The following RAI14 variants were observed in gnomAD, a reference collection of about 807,000 sequenced individuals.
The protein encoded by RAI14 is ankycorbin.
RAI14 carries 45 observed loss-of-function variants against 115.4 expected under a neutral mutation model. The observed-to-expected ratio is 0.39, with a 90% confidence interval of 0.31 to 0.50. The LOEUF (loss-of-function observed/expected upper bound fraction) is 0.50. Among genes scored for constraint, RAI14 ranks in the 20% least tolerant of loss-of-function variants. The pLI is 0.85. For synonymous variants in RAI14, 371 were observed against 415.4 expected (o/e 0.89, Z 1.30); for missense variants, 939 against 1,131.2 (o/e 0.83, Z 2.44).
Position 34,829,725 on chromosome 5 carries a change from T to C in RAI14, c.2800-7T>C, listed in dbSNP as rs748933987. On this transcript the variant is annotated splice_region_variant and splice_polypyrimidine_tract_variant and intron_variant, in intron 16 of 17. Transcript: ENST00000265109. ...CTCATTAATAATGTGAAATATTCCCTTTCTAGGAATGCAAGAAACAACACC... is the reference window on the plus strand; with the variant it reads ...CTCATTAATAATGTGAAATATTCCCCTTCTAGGAATGCAAGAAACAACACC... The C allele has an allele frequency of 2.1e-5, 33 of 1,605,306 alleles. No homozygotes were observed. Among genetic ancestry groups the C allele is most frequent in the Non-Finnish European group, 2.8e-5 (33 of 1,173,618 alleles).
In RAI14 at chr5:34,697,788, G is replaced by T. The variant is rs532137389; in HGVS notation, c.36+10833G>T. Among the ~76,000 whole-genome samples the T allele has an allele frequency of 3.2e-4, 48 of 152,214 alleles. 2 individuals carry two copies. In the South Asian group the frequency reaches 1.0e-2, roughly 32 times the overall value. On this transcript the variant is annotated intron_variant, in intron 2 of 17. Transcript: ENST00000265109. ...AATTTATAAAATTGTGCAATATGAG[G>T]ATTCTTCATTATATTGATTAGTTTA...
In RAI14 at chr5:34,811,037, C is replaced by T; in HGVS notation, c.476C>T (p.Ala159Val). ...DLDGNIPLLL[A>V]VQNGHSEICH... is the part of the protein sequence containing the mutation. Reference sequence around the variant, plus strand: ...GATGGGAATATACCGCTGCTTCTTGCTGTACAAAATGGTCACAGTGAGATC... The same window carrying T: ...GATGGGAATATACCGCTGCTTCTTGTTGTACAAAATGGTCACAGTGAGATC... The change falls in exon 8 of 18, where the codon GCT becomes GTT. Residue 159 changes from alanine to valine, a missense_variant. Transcript: ENST00000265109. 1.9e-6 allele frequency: 3 copies of T among 1,613,944 alleles called. No homozygotes were observed. Among genetic ancestry groups the T allele is most frequent in the Non-Finnish European group, 2.5e-6 (3 of 1,179,950 alleles).
chr5:34,824,946 C>CAAAAA (rs1174399473), intron 15 of RAI14, among the ~76,000 whole-genome samples: 50 of 66,450 alleles, frequency 7.5e-4, no homozygotes, highest in East Asian at 1.3e-3. Context: ...GACTTCATCT[C>CAAAAA]AAAAAAAAAA....
At chr5:34,744,089 G>A (rs1402054171) in intron 2 of RAI14, among the ~76,000 whole-genome samples, 1 of 152,214 alleles carries the variant, frequency 6.6e-6, no homozygotes, top group Non-Finnish European at 1.5e-5. Flanking sequence ...AAGCTCAGGA[G>A]TTGTGGCTGC....
chr5:34,823,471 A>G lies in RAI14; in HGVS notation c.1629A>G (p.Leu543=). ...NVLKQDLQNA[L]EESERNKEKV... ...TAAAGCAGGATCTGCAGAATGCATT[A>G]GAAGAAAGTGAAAGAAATAAAGAGA... Residue 543 remains leucine (L), a synonymous_variant, in exon 15 of 18, where the codon TTA becomes TTG. Transcript: ENST00000265109. This position sits in a 1 kb window ranked among gnomAD's most constrained non-coding sequence, Gnocchi z 4.5. 6.2e-7 allele frequency: 1 copy of G among 1,614,188 alleles called. No homozygotes were observed.
At chr5:34,705,846 C>T (rs1163357171) in intron 2 of RAI14, among the ~76,000 whole-genome samples, 1 of 152,142 alleles carries the variant, frequency 6.6e-6, no homozygotes. Flanking sequence ...GGGGTTTCTC[C>T]ATGTTGGTCA....
chr5:34,822,984 A>G lies in RAI14; in HGVS notation c.1142A>G (p.Asp381Gly), dbSNP rs761368017. Reference sequence around the variant, plus strand: ...AAATCACCCAAGGAGGCGGAAGCAGACCTAAGCTTTGACTCATACCATTCC... The same window carrying G: ...AAATCACCCAAGGAGGCGGAAGCAGGCCTAAGCTTTGACTCATACCATTCC... ...QAKSPKEAEADLSFDSYHSTQ... is the reference protein window; with the variant it reads ...QAKSPKEAEAGLSFDSYHSTQ... The change falls in exon 15 of 18, where the codon GAC becomes GGC. Residue 381 changes from aspartate (D) to glycine (G), a missense_variant. By Grantham distance (94) the Asp-to-Gly change is moderately conservative (BLOSUM62 -1). Coordinates refer to ENST00000265109, the MANE Select transcript of RAI14 (RefSeq NM_015577.3). 1.2e-6 allele frequency: 2 copies of G among 1,613,342 alleles called. No homozygotes were observed. The highest frequency in any genetic ancestry group is 2.2e-5 in the East Asian group (1 of 44,888).
intron 2 of RAI14, among the ~76,000 whole-genome samples, chr5:34,743,825 GATTA>G (rs1745833420): frequency 6.6e-6 from 1 of 152,216 alleles, no homozygotes; most frequent in Non-Finnish European, 1.5e-5. Context: ...AGAAAATACA[GATTA>G]ATTAGCACTC....
Position 34,824,192 on chromosome 5 carries a change from G to A in RAI14, c.2350G>A (p.Val784Ile). ...EEKAAMTDAM[V>I]PRSSYEKLQS... ...GAAAGCTGCTATGACTGATGCAATG[G>A]TACCTCGGTCTTCCTATGAAAAACT... Residue 784 changes from valine to isoleucine, a missense_variant, in exon 15 of 18, where the codon GTA becomes ATA. Transcript: ENST00000265109. 6.2e-7 allele frequency: 1 copy of A among 1,614,230 alleles called. No individual in the cohort carries two copies. Among genetic ancestry groups the A allele is most frequent in the Non-Finnish European group, 8.5e-7 (1 of 1,180,038 alleles).
chr5:34,689,659 G>A (rs1439105280), intron 2 of RAI14, among the ~76,000 whole-genome samples: 1 of 152,006 alleles, frequency 6.6e-6, no homozygotes, highest in East Asian at 1.9e-4. Context: ...GATCACCTGA[G>A]GTTGAGAGTT....
intron 2 of RAI14, among the ~76,000 whole-genome samples, chr5:34,754,023 G>A (rs1424030636): frequency 6.6e-6 from 1 of 151,978 alleles, no homozygotes; most frequent in Non-Finnish European, 1.5e-5. Flanking sequence ...AGAGGTTGCA[G>A]TGAGCCAAGA....
chr5:34,669,891 A>C (rs1413865742), intron 1 of RAI14, among the ~76,000 whole-genome samples: 2 of 152,182 alleles, frequency 1.3e-5, no homozygotes, highest in Non-Finnish European at 2.9e-5. Context: ...TAGCCACTTC[A>C]CTTGTCTATA....
At chr5:34,762,937 GTGT>G (rs1748858715) in intron 3 of RAI14, among the ~76,000 whole-genome samples, 1 of 66,396 alleles carries the variant, frequency 1.5e-5, no homozygotes, top group Non-Finnish European at 3.0e-5. Flanking sequence ...GCATGTGTGT[GTGT>G]GTGTGTGTGT....
chr5:34,761,002 G>T (rs1420303318), intron 3 of RAI14, among the ~76,000 whole-genome samples: 4 of 152,138 alleles, frequency 2.6e-5, no homozygotes, highest in Admixed American at 6.5e-5. Flanking sequence ...GTGGCCTCTT[G>T]TCTCTGTTCC....
At position 34,710,042 on chromosome 5, in the gene RAI14, A is replaced by G. The variant is rs1252393424; in HGVS notation, c.36+23087A>G. Among the ~76,000 whole-genome samples, 3 of 152,250 alleles carry G rather than the reference A, an allele frequency of 2.0e-5. No individual in the cohort carries two copies. In the East Asian group the frequency reaches 5.8e-4, roughly 29 times the overall value. ...AAATAGTTTAGGTATTAGTCCATGAACATGGAATTTGACCTTGGTAAGGAA... is the reference window on the plus strand; with the variant it reads ...AAATAGTTTAGGTATTAGTCCATGAGCATGGAATTTGACCTTGGTAAGGAA... On this transcript the variant is annotated intron_variant, in intron 2 of 17. Coordinates refer to ENST00000265109, the MANE Select transcript of RAI14 (RefSeq NM_015577.3).
chr5:34,751,472 T>G (rs2150073497), intron 2 of RAI14, among the ~76,000 whole-genome samples: 1 of 152,334 alleles, frequency 6.6e-6, no homozygotes, highest in South Asian at 2.1e-4. Flanking sequence ...TATACATCCC[T>G]AAACACTATG....
chr5:34,666,825 G>T (rs987862247), intron 1 of RAI14, among the ~76,000 whole-genome samples: 1 of 152,226 alleles, frequency 6.6e-6, no homozygotes, highest in African/African-American at 2.4e-5. Context: ...CGTAGTCATT[G>T]TCAGGTTTCC....
At chr5:34,822,234 A>G (rs911704044) in intron 14 of RAI14, among the ~76,000 whole-genome samples, 3 of 126,634 alleles carry the variant, frequency 2.4e-5, no homozygotes, top group East Asian at 2.1e-4. Flanking sequence ...TTTAAATTAT[A>G]TATGTATGTG....
intron 1 of RAI14, among the ~76,000 whole-genome samples, chr5:34,677,581 C>T (rs1579880488): frequency 6.6e-6 from 1 of 151,960 alleles, no homozygotes. Flanking sequence ...AGTACCTGGG[C>T]CTACAGGTGC....
Sources: gnomAD v4.1 joint callset for allele counts (sites outside exome capture counted in the v4.1 genomes callset) on GRCh38, gnomAD v4.1.1 for gene constraint, Gnocchi (gnomAD v3.1) non-coding constraint, MANE v1.5 for transcripts, NCBI Gene and HGNC (gene_info 2026-07-23, HGNC 2026-07-21) for gene names.